Variants in ERAP1 observed in about 807,000 individuals in gnomAD.
ERAP1 encodes the protein endoplasmic reticulum aminopeptidase 1.
ERAP1 carries 86 observed loss-of-function variants against 103.7 expected under a neutral mutation model. The ratio of observed to expected loss-of-function variants is 0.83; its 90% CI spans 0.70 to 0.99. The LOEUF is 0.99. Among genes scored for constraint, ERAP1 ranks in the 50% least tolerant of loss-of-function variants. ERAP1 has a pLI of 0.00. For synonymous variants in ERAP1, 398 were observed against 402.4 expected (o/e 0.99, Z 0.13); for missense variants, 1,009 against 1,128.4 (o/e 0.89, Z 1.52).
the ERAP1 span, among the ~76,000 whole-genome samples, chr5:96,847,793 A>T: frequency 6.6e-6 from 1 of 152,226 alleles, no homozygotes; most frequent in Non-Finnish European, 1.5e-5. Flanking sequence ...GAAACAAAAC[A>T]TTCTGAAACT....
At chr5:96,770,300 A>G (rs1771794870), downstream of ERAP1, 1 of 496,068 alleles carries the variant, frequency 2.0e-6, no homozygotes, top group Non-Finnish European at 3.7e-6. Context: ...CGGGAATTAG[A>G]GCATCAATGT....
chr5:96,921,572 C>T, the ERAP1 span, among the ~76,000 whole-genome samples: 3 of 152,192 alleles, frequency 2.0e-5, no homozygotes, highest in African/African-American at 4.8e-5. Flanking sequence ...ATTTCTTACT[C>T]GTTTCTACAA....
chr5:96,907,150 C>T, the ERAP1 span, among the ~76,000 whole-genome samples: 1 of 152,248 alleles, frequency 6.6e-6, no homozygotes, highest in African/African-American at 2.4e-5. Context: ...TGGACTTTTA[C>T]TGTTGAGCTA....
At chr5:96,873,265 T>C in the ERAP1 span, 51 of 444,082 alleles carry the variant, frequency 1.1e-4, no homozygotes, top group African/African-American at 9.0e-4. Context: ...GAAAATTCAC[T>C]GTTAACTCAT....
chr5:96,929,603 T>A, the ERAP1 span, among the ~76,000 whole-genome samples: 4,920 of 152,138 alleles, frequency 0.032, 152 homozygotes, highest in South Asian at 0.088. Flanking sequence ...CCTCCTCAGT[T>A]AAATGATTCT....
At chr5:96,825,521 C>CT in the ERAP1 span, among the ~76,000 whole-genome samples, 4 of 152,190 alleles carry the variant, frequency 2.6e-5, no homozygotes, top group African/African-American at 9.7e-5. Context: ...TTACATCTAT[C>CT]TTTTTCACCA....
chr5:96,850,365 A>G, the ERAP1 span, among the ~76,000 whole-genome samples: 1 of 152,168 alleles, frequency 6.6e-6, no homozygotes, highest in Admixed American at 6.5e-5. Flanking sequence ...TATCTAAGAT[A>G]TATTAAAAAA....
In ERAP1 at chr5:96,775,252, TGA is replaced by T; in HGVS notation, c.*1142_*1143del. The T allele has an allele frequency of 1.1e-6, 1 of 931,296 alleles. No individual in the cohort carries two copies. The highest frequency in any genetic ancestry group is 1.2e-6 in the Non-Finnish European group (1 of 806,592). The allele number at this position is 931,296 out of a possible 1,614,324, so 57.7% of individuals were successfully genotyped here. On this transcript the variant is annotated 3_prime_UTR_variant, in exon 19 of 19. Coordinates refer to ENST00000443439, the MANE Select transcript of ERAP1 (RefSeq NM_001040458.3). ...AACTGTGTGCTGAAGCAACCGTGTG[TGA>T]AGTCTTCACAAAAGAAAGAAAGACT...
At chr5:96,868,322 C>T in the ERAP1 span, among the ~76,000 whole-genome samples, 1 of 152,278 alleles carries the variant, frequency 6.6e-6, no homozygotes, top group South Asian at 2.1e-4. Context: ...GCAAATGAGA[C>T]TGGTTATCGG....
the ERAP1 span, among the ~76,000 whole-genome samples, chr5:96,879,248 T>G: frequency 6.6e-6 from 1 of 152,148 alleles, no homozygotes; most frequent in Admixed American, 6.6e-5. Context: ...AAACAAAAAT[T>G]TAAAATATAA....
intron 10 of ERAP1, among the ~76,000 whole-genome samples, chr5:96,789,241 C>T (rs920461152): frequency 6.6e-6 from 1 of 152,322 alleles, no homozygotes; most frequent in South Asian, 2.1e-4. Context: ...AATCCTAGCA[C>T]TTTCGGAGTC....
At chr5:96,934,078 T>C in the ERAP1 span, 1 of 152,284 alleles carries the variant, frequency 6.6e-6, no homozygotes, top group Non-Finnish European at 1.5e-5. Flanking sequence ...AACACCACTA[T>C]GTCCTTCACT....
chr5:96,792,658 T>C (rs1465964918), intron 7 of ERAP1, among the ~76,000 whole-genome samples: 1 of 152,218 alleles, frequency 6.6e-6, no homozygotes, highest in South Asian at 2.1e-4. Context: ...TAATCATTTT[T>C]ATTACTAAAG....
At chr5:96,926,407 C>T in the ERAP1 span, among the ~76,000 whole-genome samples, 2 of 152,250 alleles carry the variant, frequency 1.3e-5, no homozygotes, top group Middle Eastern at 3.4e-3. Context: ...CGATCAATTT[C>T]AGAATGTTTT....
chr5:96,849,013 G>A, the ERAP1 span, among the ~76,000 whole-genome samples: 1 of 152,090 alleles, frequency 6.6e-6, no homozygotes, highest in African/African-American at 2.4e-5. Context: ...TTAACAGAAT[G>A]AAGGACAAAA....
At chr5:96,895,122 G>T in the ERAP1 span, 5 of 598,008 alleles carry the variant, frequency 8.4e-6, no homozygotes, top group Non-Finnish European at 1.5e-5. Context: ...GAGAGAAAAG[G>T]GTAGCAAAGA....
chr5:96,761,384 TAA>T (rs1767897950), exon 20 of ERAP1: 1 of 152,214 alleles, frequency 6.6e-6, no homozygotes, highest in African/African-American at 2.4e-5. Flanking sequence ...TATTACATTC[TAA>T]AACGGCTTTA....
chr5:96,803,676 AT>A lies in ERAP1; in HGVS notation c.250del (p.Ile84SerfsTer91). ...GGTGCTGGTGGGCTGACTGGCTGTGATTTCTACTTTCGTGGTTCCCCAGAAG... is the reference window on the plus strand; with the variant it reads ...GGTGCTGGTGGGCTGACTGGCTGTGATTCTACTTTCGTGGTTCCCCAGAAG... The part of the protein sequence containing the change: ...LTFWGTTKVE[I>X]TASQPTSTII... On this transcript the variant is annotated frameshift_variant, in exon 2 of 19. Transcript: ENST00000443439. LOFTEE classifies it high-confidence loss of function. 8.7e-6 allele frequency: 14 copies of A among 1,614,158 alleles called. No homozygotes were observed. The highest frequency in any genetic ancestry group is 1.2e-5 in the Non-Finnish European group (14 of 1,180,024).
At chr5:96,859,958 C>T in the ERAP1 span, among the ~76,000 whole-genome samples, 1 of 152,170 alleles carries the variant, frequency 6.6e-6, no homozygotes, top group Non-Finnish European at 1.5e-5. Flanking sequence ...TGAGCTTGGG[C>T]TGGGCTGCAG....
Sources: gnomAD v4.1 joint callset for allele counts (sites outside exome capture counted in the v4.1 genomes callset) on GRCh38, gnomAD v4.1.1 for gene constraint, MANE v1.5 for transcripts, NCBI Gene and HGNC (gene_info 2026-07-23, HGNC 2026-07-21) for gene names.